SLC35F5: variants seen among roughly 807,000 people sequenced by gnomAD.
SLC35F5 encodes the protein HCV NS5A-transactivated protein 3.
Under a neutral mutation model 68.6 loss-of-function variants are expected in SLC35F5, and 54 were observed. That is an observed-to-expected ratio of 0.79 (90% CI 0.63 to 0.99). SLC35F5 has a LOEUF of 0.99. Among genes scored for constraint, SLC35F5 ranks in the 50% least tolerant of loss-of-function variants. The probability of loss-of-function intolerance (pLI) is 0.00; values close to 1 mark genes in which losing one functional copy is unlikely to be tolerated. For synonymous variants in SLC35F5, 211 were observed against 205.2 expected (o/e 1.03, Z -0.24); for missense variants, 567 against 626.9 (o/e 0.90, Z 1.02).
At chr2:113,725,127 A>G (rs1316963717) in intron 12 of SLC35F5, among the ~76,000 whole-genome samples, 2 of 152,172 alleles carry the variant, frequency 1.3e-5, no homozygotes, top group Non-Finnish European at 2.9e-5. Flanking sequence ...ACAGATTTAG[A>G]CCATTCATAT....
At chr2:113,722,408 T>C (rs1022285590) in intron 13 of SLC35F5, among the ~76,000 whole-genome samples, 13 of 150,322 alleles carry the variant, frequency 8.6e-5, no homozygotes, top group African/African-American at 2.4e-4. Flanking sequence ...CACACACACA[T>C]ACTTCTGTGA....
At chr2:113,715,350 A>G (rs1687138892) in intron 15 of SLC35F5, among the ~76,000 whole-genome samples, 155 bp from the exon 16 acceptor site, 1 of 152,220 alleles carries the variant, frequency 6.6e-6, no homozygotes, top group African/African-American at 2.4e-5. Flanking sequence ...TTGGAGTACT[A>G]AGAACTTATG....
At chr2:113,749,689 G>A (rs938443304) in intron 4 of SLC35F5, among the ~76,000 whole-genome samples, 2 of 152,056 alleles carry the variant, frequency 1.3e-5, no homozygotes, top group South Asian at 2.1e-4. Flanking sequence ...ACAGACTTTC[G>A]GTCTAGGATG....
At chr2:113,737,686 G>A (rs926375171) in intron 7 of SLC35F5, among the ~76,000 whole-genome samples, 1 of 152,154 alleles carries the variant, frequency 6.6e-6, no homozygotes, top group Non-Finnish European at 1.5e-5. Flanking sequence ...ACTTAGATAA[G>A]AAGCATTCAA....
At chr2:113,718,187 G>A (rs1687251836) in intron 14 of SLC35F5, among the ~76,000 whole-genome samples, 1 of 152,094 alleles carries the variant, frequency 6.6e-6, no homozygotes, top group Non-Finnish European at 1.5e-5. Flanking sequence ...GGGCTCAAGT[G>A]ATCCTCCTAC....
downstream of SLC35F5, among the ~76,000 whole-genome samples, chr2:113,706,330 C>A (rs1686797640): frequency 6.6e-6 from 1 of 152,144 alleles, no homozygotes; most frequent in Non-Finnish European, 1.5e-5. Flanking sequence ...AGCTGCAGCA[C>A]CCTGAAGGCC....
At chr2:113,715,950 A>AT (rs1559313457) in intron 15 of SLC35F5, among the ~76,000 whole-genome samples, 2 of 151,994 alleles carry the variant, frequency 1.3e-5, no homozygotes, top group African/African-American at 2.4e-5. Context: ...GGGTTAAAAA[A>AT]ATATATTTTT....
At chr2:113,732,294 T>A (rs1049752307) in intron 9 of SLC35F5, among the ~76,000 whole-genome samples, 1 of 152,294 alleles carries the variant, frequency 6.6e-6, no homozygotes, top group East Asian at 1.9e-4. Context: ...GCATCTAATA[T>A]GGGCAAAGCA....
chr2:113,719,064 C>A lies in SLC35F5; in HGVS notation c.1496+90G>T, dbSNP rs887711457. 14 of 1,232,236 alleles carry A rather than the reference C, an allele frequency of 1.1e-5. No individual in the cohort carries two copies. In the African/African-American group the frequency reaches 1.3e-4, roughly 11 times the overall value. The allele number at this position is 1,232,236 out of a possible 1,614,324, so 76.3% of individuals were successfully genotyped here. ...GTTATCATCTTTCAATAATTCCTCA[C>A]AAAATCTCTAAAAGCTAGGCCAGCA... On this transcript the variant is annotated intron_variant, in intron 14 of 15. Coordinates refer to ENST00000245680, the MANE Select transcript of SLC35F5 (RefSeq NM_025181.5).
At chr2:113,722,348 T>G (rs1687477191) in intron 13 of SLC35F5, among the ~76,000 whole-genome samples, 1 of 151,694 alleles carries the variant, frequency 6.6e-6, no homozygotes, top group African/African-American at 2.4e-5. Context: ...CCTTGAAGTA[T>G]TTCCCTCTTC....
downstream of SLC35F5, among the ~76,000 whole-genome samples, chr2:113,703,446 T>C (rs914101345): frequency 6.6e-6 from 1 of 152,052 alleles, no homozygotes; most frequent in South Asian, 2.1e-4. Flanking sequence ...TTAAAACAAA[T>C]CCCCTTACCA....
At chr2:113,751,036 T>C (rs1401864232) in intron 3 of SLC35F5, among the ~76,000 whole-genome samples, 1 of 152,098 alleles carries the variant, frequency 6.6e-6, no homozygotes, top group Non-Finnish European at 1.5e-5. Flanking sequence ...TCCCAGCTAC[T>C]TGGGAGGCTG....
At chr2:113,756,160 C>G in intron 1 of SLC35F5, 1 of 1,451,948 alleles carries the variant, frequency 6.9e-7, no homozygotes, top group Non-Finnish European at 9.0e-7. Flanking sequence ...GGAGCCGAGG[C>G]GAGGGCGCAC....
At chr2:113,745,610 G>C (rs1676453904) in intron 5 of SLC35F5, among the ~76,000 whole-genome samples, 1 of 151,984 alleles carries the variant, frequency 6.6e-6, no homozygotes, top group Admixed American at 6.6e-5. Context: ...TTGAAAGTTA[G>C]AATAAGCCAT....
rs925783358 is a variant in SLC35F5 at position 113,708,707 on chromosome 2, AAAAAAAT to A, written c.*6504_*6510del. Among the ~76,000 whole-genome samples, 32 of 152,098 alleles carry A rather than the reference AAAAAAAT, an allele frequency of 2.1e-4. No individual in the cohort carries two copies. Among genetic ancestry groups the A allele is most frequent in the Admixed American group, 8.5e-4 (13 of 15,284 alleles). On this transcript the variant is annotated 3_prime_UTR_variant, in exon 16 of 16. Coordinates refer to ENST00000245680, the MANE Select transcript of SLC35F5 (RefSeq NM_025181.5). ...GGCAATGGAGTGAGACTCTGTCTCA[AAAAAAAT>A]AAAAAATAAAAAATAAAATACTGCA...
intron 13 of SLC35F5, among the ~76,000 whole-genome samples, chr2:113,720,684 A>G (rs1053178528): frequency 9.8e-5 from 15 of 152,342 alleles, no homozygotes; most frequent in Admixed American, 9.8e-4. Context: ...CTGCATTTAA[A>G]TTATCCAAGA....
intron 14 of SLC35F5, among the ~76,000 whole-genome samples, chr2:113,718,913 GAAAGAAAGAAAGAAAAAGA>G (rs1559318140): frequency 2.7e-4 from 24 of 88,108 alleles, no homozygotes; most frequent in Non-Finnish European, 4.5e-4. Context: ...AAGAAAGAAA[GAAAGAAAGAAAGAAAAAGA>G]AAGGAAGAAA....
intron 7 of SLC35F5, among the ~76,000 whole-genome samples, chr2:113,738,906 A>G (rs1021073374): frequency 6.6e-6 from 1 of 152,178 alleles, no homozygotes; most frequent in Non-Finnish European, 1.5e-5. Context: ...CATCAATAAT[A>G]TGTTGAAATA....
At chr2:113,704,418 G>T (rs936313130), downstream of SLC35F5, among the ~76,000 whole-genome samples, 3 of 152,218 alleles carry the variant, frequency 2.0e-5, no homozygotes, top group Non-Finnish European at 4.4e-5. Flanking sequence ...CGCGCCCTGC[G>T]CCCGCACTCC....
Sources: allele counts gnomAD v4.1 joint callset (sites outside exome capture counted in the v4.1 genomes callset), GRCh38; gene constraint gnomAD v4.1.1; transcripts MANE v1.5; gene names NCBI Gene and HGNC (gene_info 2026-07-23, HGNC 2026-07-21).